CCDC40: variants seen among roughly 807,000 people sequenced by gnomAD.
The protein encoded by CCDC40 is coiled-coil domain-containing protein 40.
Under a neutral mutation model 124.5 loss-of-function variants are expected in CCDC40, and 104 were observed. The observed-to-expected ratio is 0.84, with a 90% confidence interval of 0.71 to 0.98. The LOEUF (loss-of-function observed/expected upper bound fraction) is 0.98. CCDC40 is among the 50% of genes least tolerant of loss of function. The pLI, the probability that CCDC40 is intolerant of heterozygous loss-of-function variation, is 0.00. For missense variants in CCDC40, 1,463 were observed against 1,503.9 expected, an observed-to-expected ratio of 0.97 and a Z score of 0.45; for synonymous variants, 580 against 602.9, an observed-to-expected ratio of 0.96 and a Z score of 0.56.
rs61686936 is a variant in CCDC40, at chr17:80,095,330, G to T, written c.2900G>T (p.Arg967Leu). ...MIRAMELAVA[R>L]RETVTTQAEG... ...CGTGCCATGGAGTTGGCGGTTGCCC[G>T]CAGAGAGACCGTCACCACCCAGGCC... The change falls in exon 18 of 20, where the codon CGC becomes CTC. Residue 967 changes from arginine to leucine, a missense_variant. Transcript: ENST00000397545. The T allele has an allele frequency of 4.9e-3, 7,887 of 1,614,062 alleles. 355 individuals carry two copies. In the African/African-American group the frequency reaches 0.092, roughly 19 times the overall value.
Position 80,039,831 on chromosome 17 carries a change from A to T in CCDC40, c.113A>T (p.Asp38Val). Reference protein sequence around the residue: ...ESHMVSPPEKDDGQKGEEAVG... With the variant: ...ESHMVSPPEKVDGQKGEEAVG... ...TTACAGGTGTCACCACCAGAGAAGG[A>T]TGATGGCCAGAAAGGTGAAGAAGCT... Residue 38 changes from aspartate to valine, a missense_variant, in exon 3 of 20, where the codon GAT becomes GTT. Asp to Val is a radical substitution (Grantham distance 152). Coordinates refer to ENST00000397545, the MANE Select transcript of CCDC40 (RefSeq NM_017950.4). 3 of 1,613,868 alleles carry T rather than the reference A, an allele frequency of 1.9e-6. No homozygotes were observed. Among genetic ancestry groups the T allele is most frequent in the Non-Finnish European group, 2.5e-6 (3 of 1,179,880 alleles).
At chr17:80,047,080 A>T (rs1395675622) in intron 3 of CCDC40, among the ~76,000 whole-genome samples, 199 bp from the exon 4 acceptor site, 2 of 152,212 alleles carry the variant, frequency 1.3e-5, no homozygotes, top group Non-Finnish European at 2.9e-5. Flanking sequence ...TCCTGGCCTC[A>T]AGCGATCCAC....
chr17:80,038,944 A>G (rs1308159053), intron 2 of CCDC40, among the ~76,000 whole-genome samples: 1 of 152,196 alleles, frequency 6.6e-6, no homozygotes, highest in Non-Finnish European at 1.5e-5. Context: ...TTGAAGAGAG[A>G]CTCATTTTCT....
At chr17:80,037,007 C>T (rs778919758) in intron 1 of CCDC40, among the ~76,000 whole-genome samples, 27 of 152,296 alleles carry the variant, frequency 1.8e-4, no homozygotes, top group South Asian at 1.7e-3. Context: ...CCATGGCAAC[C>T]ACTCTGCGTG....
At chr17:80,079,827 C>T (rs906093120) in intron 10 of CCDC40, among the ~76,000 whole-genome samples, 1 of 148,654 alleles carries the variant, frequency 6.7e-6, no homozygotes, top group African/African-American at 2.5e-5. Flanking sequence ...GCTACTCAGG[C>T]AGCTGAGGCA....
chr17:80,037,686 AAAAGATATACATATATATATAT>A (rs1166564399), intron 1 of CCDC40, among the ~76,000 whole-genome samples: 1 of 26,304 alleles, frequency 3.8e-5, no homozygotes, highest in Non-Finnish European at 8.6e-5. Flanking sequence ...AATTTTTTAA[AAAAGATATACATATATATATAT>A]ATATATATAT....
chr17:80,044,910 C>CT (rs948683031), intron 3 of CCDC40, among the ~76,000 whole-genome samples: 6 of 152,082 alleles, frequency 3.9e-5, no homozygotes, highest in Non-Finnish European at 1.5e-5. Context: ...GCGAGCCTTG[C>CT]TTCCCACCTC....
chr17:80,046,522 G>T (rs1171804224), intron 3 of CCDC40, among the ~76,000 whole-genome samples: 2 of 125,334 alleles, frequency 1.6e-5, no homozygotes, highest in Non-Finnish European at 3.4e-5. Flanking sequence ...GGCAGAGTGA[G>T]ACCCTTACTC....
At chr17:80,052,051 G>T (rs374123190) in intron 7 of CCDC40, among the ~76,000 whole-genome samples, 85 of 152,356 alleles carry the variant, frequency 5.6e-4, no homozygotes, top group African/African-American at 1.9e-3. Context: ...CCCTGACCGG[G>T]GGGCAGCCAC....
intron 7 of CCDC40, chr17:80,051,295 G>A (rs111537752): frequency 0.072 from 71,076 of 980,382 alleles, 2,885 homozygotes; most frequent in Non-Finnish European, 0.081. Context: ...AGTGGAAGAG[G>A]TTCTGGAAAT....
rs574088894 is a variant in CCDC40 at position 80,097,209 on chromosome 17, C to T, written c.3022-36C>T. 4.3e-5 allele frequency: 69 copies of T among 1,612,508 alleles called. No homozygotes were observed. In the East Asian group the frequency reaches 1.3e-3, roughly 31 times the overall value. On this transcript the variant is annotated intron_variant, in intron 18 of 19. Coordinates refer to ENST00000397545, the MANE Select transcript of CCDC40 (RefSeq NM_017950.4). ...CTTCCCTGTCCGCCAAGTAGCCGGG[C>T]TGCAGGGGCCCAGCATGGTCCTGTG...
At chr17:80,069,680 G>A (rs894390579) in intron 10 of CCDC40, among the ~76,000 whole-genome samples, 1 of 152,216 alleles carries the variant, frequency 6.6e-6, no homozygotes, top group Non-Finnish European at 1.5e-5. Flanking sequence ...GAACCCGGGA[G>A]GTGGAGGTGG....
intron 12 of CCDC40, among the ~76,000 whole-genome samples, chr17:80,082,353 C>CA (rs2038473192): frequency 6.7e-6 from 1 of 150,158 alleles, no homozygotes; most frequent in South Asian, 2.1e-4. Context: ...ATTGTGAGCT[C>CA]ATGTTCGCAT....
chr17:80,062,075 A>C (rs7221635), intron 9 of CCDC40, among the ~76,000 whole-genome samples: 1 of 152,020 alleles, frequency 6.6e-6, no homozygotes, highest in Non-Finnish European at 1.5e-5. Flanking sequence ...GCACCACTGC[A>C]CTCCAGCCTG....
In CCDC40 at chr17:80,058,452, CCACTCA is replaced by C. The variant is rs771347749; in HGVS notation, c.1160-40_1160-35del. The C allele has an allele frequency of 7.5e-6, 12 of 1,597,834 alleles. No homozygotes were observed. In the East Asian group the frequency reaches 2.5e-4, roughly 33 times the overall value. ...CATGGGGGACGCTGGGACAGCCTCCCCACTCACTCTCTCTCTCTTTCTCCCCCGCCG... is the reference window on the plus strand; with the variant it reads ...CATGGGGGACGCTGGGACAGCCTCCCCTCTCTCTCTCTTTCTCCCCCGCCG... On this transcript the variant is annotated intron_variant, in intron 7 of 19. Transcript: ENST00000397545. The surrounding 1 kb of genome is among the most constrained non-coding windows in gnomAD (Gnocchi z 4.2).
At chr17:80,051,939 T>G (rs1372643344) in intron 7 of CCDC40, among the ~76,000 whole-genome samples, 1 of 152,198 alleles carries the variant, frequency 6.6e-6, no homozygotes, top group Non-Finnish European at 1.5e-5. Context: ...TCCTGGAGAT[T>G]AGGAGAGGGC....
chr17:80,058,680 T>C lies in CCDC40; in HGVS notation c.1317+29T>C, dbSNP rs761438997. On this transcript the variant is annotated intron_variant, in intron 8 of 19. Coordinates refer to ENST00000397545, the MANE Select transcript of CCDC40 (RefSeq NM_017950.4). The surrounding 1 kb of genome is among the most constrained non-coding windows in gnomAD (Gnocchi z 4.2). ...TTCTGCAAACTCGACACATGTTTAA[T>C]GATCACCAGACCGTGGAGCTTCAAA... is the stretch of plus-strand genomic sequence containing the variant. The C allele has an allele frequency of 1.1e-5, 18 of 1,613,312 alleles. No homozygotes were observed. The Admixed American group carries it at 2.3e-4, about 21-fold the overall frequency.
At position 80,047,238 on chromosome 17, in the gene CCDC40, A is replaced by G. The variant is rs7207441; in HGVS notation, c.553-41A>G. On this transcript the variant is annotated intron_variant, in intron 3 of 19. Coordinates refer to ENST00000397545, the MANE Select transcript of CCDC40 (RefSeq NM_017950.4). ...AAAATTGAATAACTTCTCAGTGGCA[A>G]TTAAGCCCTGTTGACTTAGTTTTGG... 0.25 allele frequency: 395,501 copies of G among 1,599,436 alleles called. 56,001 individuals carry two copies. Among genetic ancestry groups the G allele is most frequent in the African/African-American group, 0.63 (46,742 of 74,222 alleles).
rs1408922590 is a variant in CCDC40, at chr17:80,086,387, T to A, written c.2449+171T>A. 7 of 627,646 alleles carry A rather than the reference T, an allele frequency of 1.1e-5. No individual in the cohort carries two copies. The Admixed American group carries it at 1.8e-4, about 16-fold the overall frequency. The allele number at this position is 627,646 out of a possible 1,614,324, so 38.9% of individuals were successfully genotyped here. ...TATTTTGTAAATGTGAACCACTGCC[T>A]GCCCAGCTGCCCAGTTCGCAGTCAC... On this transcript the variant is annotated intron_variant, in intron 14 of 19. Transcript: ENST00000397545. The surrounding 1 kb of genome is among the most constrained non-coding windows in gnomAD (Gnocchi z 5.5).
Sources: allele counts gnomAD v4.1 joint callset (sites outside exome capture counted in the v4.1 genomes callset), GRCh38; gene constraint gnomAD v4.1.1; non-coding constraint Gnocchi (gnomAD v3.1); transcripts MANE v1.5; gene names NCBI Gene and HGNC (gene_info 2026-07-23, HGNC 2026-07-21).